EYS: variants seen among roughly 807,000 people sequenced by gnomAD.
EYS encodes the protein protein eyes shut homolog.
A neutral mutation model predicts 282.1 loss-of-function variants in EYS; 250 were observed. The ratio of observed to expected loss-of-function variants is 0.89; its 90% CI spans 0.80 to 0.98. EYS has a LOEUF of 0.98. Among genes scored for constraint, EYS ranks in the 50% least tolerant of loss-of-function variants. The pLI, the probability that EYS is intolerant of heterozygous loss-of-function variation, is 0.00. For missense variants in EYS, 4,016 were observed against 3,709.0 expected (o/e 1.08, Z -2.15); for synonymous variants, 1,355 against 1,282.9 (o/e 1.06, Z -1.20).
intron 24 of EYS, among the ~76,000 whole-genome samples, chr6:64,597,930 T>C (rs1766638896): frequency 6.6e-6 from 1 of 151,372 alleles, no homozygotes; most frequent in African/African-American, 2.4e-5. Flanking sequence ...TTCAATATTA[T>C]GCTAATTACC....
intron 13 of EYS, among the ~76,000 whole-genome samples, chr6:65,045,536 G>C (rs2150151563): frequency 6.6e-6 from 1 of 151,930 alleles, no homozygotes; most frequent in African/African-American, 2.4e-5. Flanking sequence ...CCTTATAAAA[G>C]AGACTACAGT....
intron 35 of EYS, among the ~76,000 whole-genome samples, chr6:63,969,400 T>A (rs1210299805): frequency 6.6e-6 from 1 of 152,204 alleles, no homozygotes; most frequent in Non-Finnish European, 1.5e-5. Context: ...AAAAAGAGCA[T>A]GAGGAATTTT....
At chr6:64,478,755 T>C (rs891037440) in intron 26 of EYS, among the ~76,000 whole-genome samples, 1 of 151,122 alleles carries the variant, frequency 6.6e-6, no homozygotes, top group Non-Finnish European at 1.5e-5. Flanking sequence ...ATGTATTTTA[T>C]CTGTTTAACT....
At chr6:65,661,432 C>T (rs1047853619) in intron 1 of EYS, among the ~76,000 whole-genome samples, 1 of 151,882 alleles carries the variant, frequency 6.6e-6, no homozygotes, top group African/African-American at 2.4e-5. Context: ...TAAATTTGCA[C>T]AAGGCTATGC....
At chr6:65,298,167 T>A (rs1176548035) in intron 11 of EYS, among the ~76,000 whole-genome samples, 1 of 152,058 alleles carries the variant, frequency 6.6e-6, no homozygotes, top group Non-Finnish European at 1.5e-5. Flanking sequence ...AATAAAGGCA[T>A]CAAGAGGTAG....
At chr6:65,381,871 A>C (rs1765625723) in intron 8 of EYS, among the ~76,000 whole-genome samples, 2 of 151,966 alleles carry the variant, frequency 1.3e-5, no homozygotes, top group South Asian at 4.2e-4. Flanking sequence ...TCAGAATTTT[A>C]TGATTTCTGA....
intron 12 of EYS, among the ~76,000 whole-genome samples, chr6:65,173,409 A>G (rs1017069037): frequency 6.7e-5 from 10 of 149,830 alleles, no homozygotes; most frequent in African/African-American, 2.5e-4. Context: ...ATATAAATCA[A>G]AATAGAACGG....
At chr6:65,308,097 C>T (rs1244259169) in intron 11 of EYS, among the ~76,000 whole-genome samples, 8 of 89,472 alleles carry the variant, frequency 8.9e-5, no homozygotes, top group South Asian at 1.1e-3. Context: ...CTCAGCCTCC[C>T]TAGCAGTTGG....
intron 23 of EYS, among the ~76,000 whole-genome samples, chr6:64,622,834 T>A (rs937639834): frequency 1.3e-5 from 2 of 152,042 alleles, no homozygotes; most frequent in Non-Finnish European, 2.9e-5. Context: ...TAGGAAAAAA[T>A]TTTCAAAATT....
intron 14 of EYS, among the ~76,000 whole-genome samples, chr6:64,968,471 T>C (rs758271093): frequency 6.6e-6 from 1 of 152,348 alleles, no homozygotes; most frequent in African/African-American, 2.4e-5. Flanking sequence ...ATTTTTCTGA[T>C]CTAAAACCTT....
chr6:65,236,870 A>C (rs1230510405), intron 12 of EYS, among the ~76,000 whole-genome samples: 1 of 152,136 alleles, frequency 6.6e-6, no homozygotes, highest in Non-Finnish European at 1.5e-5. Context: ...TTGTAGATTA[A>C]ATCTCTCTTT....
intron 19 of EYS, among the ~76,000 whole-genome samples, chr6:64,853,414 A>T (rs2150043246): frequency 6.6e-6 from 1 of 152,250 alleles, no homozygotes; most frequent in African/African-American, 2.4e-5. Flanking sequence ...TCCATGCAGA[A>T]TACCAGGTTT....
At chr6:64,631,041 A>C (rs1300808804) in intron 22 of EYS, among the ~76,000 whole-genome samples, 1 of 152,232 alleles carries the variant, frequency 6.6e-6, no homozygotes, top group Admixed American at 6.5e-5. Flanking sequence ...AAAACTGTTA[A>C]ACACTACTAC....
At chr6:64,452,174 A>C (rs557109009) in intron 26 of EYS, among the ~76,000 whole-genome samples, 51 of 152,230 alleles carry the variant, frequency 3.4e-4, no homozygotes, top group African/African-American at 1.2e-3. Flanking sequence ...AGGATACAAA[A>C]TCAATGTGCA....
At chr6:65,636,778 C>T (rs1263220591) in intron 2 of EYS, among the ~76,000 whole-genome samples, 1 of 152,038 alleles carries the variant, frequency 6.6e-6, no homozygotes, top group Non-Finnish European at 1.5e-5. Flanking sequence ...CTCATGTCTT[C>T]TATGACACTA....
intron 35 of EYS, among the ~76,000 whole-genome samples, chr6:63,935,610 G>A (rs1447972624): frequency 7.2e-5 from 11 of 152,174 alleles, no homozygotes. Context: ...GAAAGGCCAC[G>A]TGAGGAAAGA....
intron 2 of EYS, among the ~76,000 whole-genome samples, chr6:65,509,434 T>C (rs1234398202): frequency 1.3e-5 from 2 of 152,220 alleles, no homozygotes; most frequent in Non-Finnish European, 2.9e-5. Flanking sequence ...TAAACTAAAA[T>C]ATTTTATTGT....
intron 26 of EYS, among the ~76,000 whole-genome samples, chr6:64,565,831 G>A (rs928955965): frequency 1.3e-5 from 2 of 151,494 alleles, no homozygotes; most frequent in Non-Finnish European, 2.9e-5. Flanking sequence ...CTTAATTGTG[G>A]TAATCATTTT....
At chr6:65,094,440 C>T (rs1472033978) in intron 12 of EYS, among the ~76,000 whole-genome samples, 2 of 150,770 alleles carry the variant, frequency 1.3e-5, no homozygotes, top group Non-Finnish European at 3.0e-5. Flanking sequence ...TTTAAACATG[C>T]ACAGAATAAT....
Sources: allele counts gnomAD v4.1 joint callset (sites outside exome capture counted in the v4.1 genomes callset), GRCh38; gene constraint gnomAD v4.1.1; transcripts MANE v1.5; gene names NCBI Gene and HGNC (gene_info 2026-07-23, HGNC 2026-07-21).